Variants in VIPAS39 observed in about 807,000 individuals in gnomAD.
VIPAS39 encodes spermatogenesis-defective protein 39 homolog.
VIPAS39 carries 63 observed loss-of-function variants against 84.7 expected under a neutral mutation model. The observed-to-expected ratio is 0.74, with a 90% CI of 0.61 to 0.92. VIPAS39 has a LOEUF of 0.92. Among genes scored for constraint, VIPAS39 ranks in the 40% least tolerant of loss-of-function variants. The probability of loss-of-function intolerance (pLI) is 0.00; values close to 1 mark genes in which losing one functional copy is unlikely to be tolerated. For missense variants in VIPAS39, 499 were observed against 604.5 expected, an observed-to-expected ratio of 0.83 and a Z score of 1.83; for synonymous variants, 192 against 216.5, an observed-to-expected ratio of 0.89 and a Z score of 0.99.
In VIPAS39 at chr14:77,433,867, T is replaced by C; in HGVS notation, c.1154A>G (p.Asp385Gly). Residue 385 changes from aspartate to glycine, a missense_variant, in exon 16 of 20, where the codon GAT (aspartate) becomes GGT (glycine). Physicochemically the swap from Asp to Gly is moderately conservative, Grantham distance 94. Transcript: ENST00000557658. ...CTTTGTGGTGAATAGGGCATCTACATCATTCCAGGCTCGAAGCTTGGCACG... is the reference window on the plus strand; with the variant it reads ...CTTTGTGGTGAATAGGGCATCTACACCATTCCAGGCTCGAAGCTTGGCACG... ...AARAKLRAWN[D>G]VDALFTTKNW... 5 of 1,614,030 alleles carry C rather than the reference T, an allele frequency of 3.1e-6. No homozygotes were observed. The highest frequency in any genetic ancestry group is 4.2e-6 in the Non-Finnish European group (5 of 1,179,960).
rs770404129 is a variant in VIPAS39, at chr14:77,448,491, T to C, written c.504+3A>G. The C allele has an allele frequency of 2.5e-6, 4 of 1,614,202 alleles. No individual in the cohort carries two copies. The highest frequency in any genetic ancestry group is 1.6e-4 in the Middle Eastern group (1 of 6,062). ...GAACCTCACAAAAATTCTCTGTCCT[T>C]ACCTTGCCCTTCCGGAGACGTCGCA... On this transcript the variant is annotated splice_donor_region_variant and intron_variant, in intron 7 of 19. Transcript: ENST00000557658.
intron 14 of VIPAS39, 73 bp downstream of exon 14, chr14:77,435,186 A>G (rs2078587889): frequency 6.3e-7 from 1 of 1,599,756 alleles, no homozygotes; most frequent in East Asian, 2.2e-5. Flanking sequence ...TAGAGTACAT[A>G]AAAGTACTGG....
chr14:77,433,352 C>T (rs2078553869), intron 16 of VIPAS39, among the ~76,000 whole-genome samples: 1 of 152,114 alleles, frequency 6.6e-6, no homozygotes, highest in African/African-American at 2.4e-5. Flanking sequence ...AGGTGCACAC[C>T]ACCACACCCA....
intron 14 of VIPAS39, 152 bp from the exon 15 acceptor site, chr14:77,434,455 G>A: frequency 1.3e-6 from 1 of 768,438 alleles, no homozygotes; most frequent in Non-Finnish European, 2.2e-6. Context: ...GCTCCATTGG[G>A]AATAGTCAGA....
At chr14:77,437,582 A>G (rs1003641055) in intron 12 of VIPAS39, among the ~76,000 whole-genome samples, 1 of 152,164 alleles carries the variant, frequency 6.6e-6, no homozygotes, top group Admixed American at 6.5e-5. Flanking sequence ...AGGAAAAAAA[A>G]TCTCTCTACA....
intron 13 of VIPAS39, 91 bp from the exon 14 acceptor site, chr14:77,435,484 G>A: frequency 6.5e-7 from 1 of 1,532,712 alleles, no homozygotes; most frequent in Non-Finnish European, 8.9e-7. Context: ...CAGCAGTTGT[G>A]TTTCCCACCC....
intron 16 of VIPAS39, 95 bp from the exon 17 acceptor site, chr14:77,429,862 G>C: frequency 9.4e-7 from 1 of 1,062,864 alleles, no homozygotes; most frequent in East Asian, 2.4e-5. Flanking sequence ...GAATAATGTG[G>C]TGGGTGAGTG....
chr14:77,432,203 T>G (rs1294921214), intron 16 of VIPAS39, among the ~76,000 whole-genome samples: 1 of 152,148 alleles, frequency 6.6e-6, no homozygotes, highest in African/African-American at 2.4e-5. Flanking sequence ...TCATAACATC[T>G]TATCGTATAA....
chr14:77,436,038 G>T, intron 12 of VIPAS39, 119 bp from the exon 13 acceptor site: 1 of 970,202 alleles, frequency 1.0e-6, no homozygotes, highest in Non-Finnish European at 1.7e-6. Flanking sequence ...TCTGATCTCA[G>T]TTCACCTTTA....
intron 4 of VIPAS39, among the ~76,000 whole-genome samples, chr14:77,450,411 G>A (rs894924946): frequency 4.6e-5 from 7 of 152,176 alleles, no homozygotes; most frequent in African/African-American, 1.4e-4. Flanking sequence ...TGGCTATTGT[G>A]AATAATGCTA....
At chr14:77,447,373 T>C (rs1302862001) in intron 7 of VIPAS39, among the ~76,000 whole-genome samples, 1 of 151,738 alleles carries the variant, frequency 6.6e-6, no homozygotes, top group African/African-American at 2.4e-5. Flanking sequence ...AGACACGGTC[T>C]CACTATGTTG....
chr14:77,433,079 A>C lies in VIPAS39; in HGVS notation c.1179+763T>G, dbSNP rs573311237. Among the ~76,000 whole-genome samples, 18 of 152,320 alleles carry C rather than the reference A, an allele frequency of 1.2e-4. No homozygotes were observed. The South Asian group carries it at 2.7e-3, about 23-fold the overall frequency. Reference sequence around the variant, plus strand: ...AACTCAATCCAAGGTCTTTGATTGGATCCTGATAGAAAAAAATACAGAAGC... The same window carrying C: ...AACTCAATCCAAGGTCTTTGATTGGCTCCTGATAGAAAAAAATACAGAAGC... On this transcript the variant is annotated intron_variant, in intron 16 of 19. Transcript: ENST00000557658.
intron 12 of VIPAS39, among the ~76,000 whole-genome samples, chr14:77,437,164 A>G (rs886493225): frequency 6.6e-6 from 1 of 152,214 alleles, no homozygotes; most frequent in African/African-American, 2.4e-5. Context: ...ACTGAACCTG[A>G]AGAAGCAAGG....
At chr14:77,440,781 C>T (rs930301970) in intron 11 of VIPAS39, among the ~76,000 whole-genome samples, 3 of 152,116 alleles carry the variant, frequency 2.0e-5, no homozygotes, top group Admixed American at 2.0e-4. Flanking sequence ...TGCAATGGCA[C>T]GATCTCAGAT....
rs144120903 is a variant in VIPAS39, at chr14:77,453,324, G to C, written c.171C>G (p.Val57=). The C allele has an allele frequency of 3.2e-4, 522 of 1,613,898 alleles. No homozygotes were observed. Among genetic ancestry groups the C allele is most frequent in the Non-Finnish European group, 4.1e-4 (489 of 1,180,016 alleles). The change falls in exon 3 of 20, where the codon GTC becomes GTG. Residue 57 remains valine (V), a synonymous_variant. Coordinates refer to ENST00000557658, the MANE Select transcript of VIPAS39 (RefSeq NM_001193315.2). ...TTCCCACAGGTTCCCCACTCCAGCT[G>C]ACTCGCTCCAGGTCATCATCGTCAT... The part of the protein sequence containing the change: ...DDDDDDDLER[V]SWSGEPVGSI...
At chr14:77,444,711 T>C (rs563498589) in intron 7 of VIPAS39, among the ~76,000 whole-genome samples, 1 of 151,984 alleles carries the variant, frequency 6.6e-6, no homozygotes, top group East Asian at 1.9e-4. Flanking sequence ...TAGCTGGGAC[T>C]AGAGGTGCCC....
At chr14:77,449,652 C>T in intron 5 of VIPAS39, 62 bp downstream of exon 5, 1 of 1,602,522 alleles carries the variant, frequency 6.2e-7, no homozygotes, top group Non-Finnish European at 8.6e-7. Context: ...CCCCATAACT[C>T]CCCAGACTGT....
At chr14:77,449,686 A>C in intron 5 of VIPAS39, 28 bp downstream of exon 5, 1 of 1,614,070 alleles carries the variant, frequency 6.2e-7, no homozygotes, top group African/African-American at 1.3e-5. Flanking sequence ...CATTTCCCAC[A>C]GCAATTAAAA....
intron 7 of VIPAS39, among the ~76,000 whole-genome samples, chr14:77,446,326 G>A (rs1156736109): frequency 6.6e-6 from 1 of 151,700 alleles, no homozygotes; most frequent in African/African-American, 2.4e-5. Flanking sequence ...TTTTTAGAGA[G>A]AGGGTCTCGC....
Sources: allele counts gnomAD v4.1 joint callset (sites outside exome capture counted in the v4.1 genomes callset), GRCh38; gene constraint gnomAD v4.1.1; transcripts MANE v1.5; gene names NCBI Gene and HGNC (gene_info 2026-07-23, HGNC 2026-07-21).